Variants in SLC18A1 observed in about 807,000 individuals in gnomAD.
The protein encoded by SLC18A1 is chromaffin granule amine transporter.
Under a neutral mutation model 53.7 loss-of-function variants are expected in SLC18A1, and 69 were observed. That is an observed-to-expected ratio of 1.28 (90% CI 1.06 to 1.57). SLC18A1 has a LOEUF of 1.57. SLC18A1 is among the 40% of genes most tolerant of loss of function. The probability of loss-of-function intolerance (pLI) is 0.00; values close to 1 mark genes in which losing one functional copy is unlikely to be tolerated. For synonymous variants in SLC18A1, 320 were observed against 248.1 expected (o/e 1.29, Z -2.72); for missense variants, 932 against 668.1 (o/e 1.40, Z -4.35).
intron 1 of SLC18A1, among the ~76,000 whole-genome samples, chr8:20,181,288 A>G (rs981752318): frequency 1.4e-4 from 21 of 152,348 alleles, no homozygotes; most frequent in Admixed American, 9.8e-4. Flanking sequence ...TTTAATGGCT[A>G]GGTATAAATC....
At chr8:20,158,653 G>C (rs1162477259) in intron 10 of SLC18A1, among the ~76,000 whole-genome samples, 1 of 152,134 alleles carries the variant, frequency 6.6e-6, no homozygotes, top group Non-Finnish European at 1.5e-5. Flanking sequence ...AACAGCCCCT[G>C]CAGTACTCCA....
intron 10 of SLC18A1, among the ~76,000 whole-genome samples, chr8:20,158,937 G>A (rs1418064566): frequency 6.6e-6 from 1 of 152,036 alleles, no homozygotes; most frequent in Non-Finnish European, 1.5e-5. Context: ...CCCTCACTAG[G>A]CTCGATGGAA....
intron 8 of SLC18A1, among the ~76,000 whole-genome samples, chr8:20,166,475 G>T (rs1237031581): frequency 6.6e-6 from 1 of 150,966 alleles, no homozygotes; most frequent in Non-Finnish European, 1.5e-5. Context: ...GGAAAAATAA[G>T]AAAACACATA....
chr8:20,173,271 A>C (rs1307222394), intron 5 of SLC18A1, 143 bp from the exon 6 acceptor site: 1 of 645,002 alleles, frequency 1.6e-6, no homozygotes, highest in African/African-American at 1.8e-5. Context: ...CTTAACCCGT[A>C]GTATTTTTCA....
rs773861067 is a variant in SLC18A1, at chr8:20,145,868, C to T, written c.1473G>A (p.Leu491=). 4 of 1,598,400 alleles carry T rather than the reference C, an allele frequency of 2.5e-6. No individual in the cohort carries two copies. Among genetic ancestry groups the T allele is most frequent in the South Asian group, 1.1e-5 (1 of 88,674 alleles). The change falls in exon 16 of 16, where the codon CTG becomes CTA. Residue 491 remains leucine, a synonymous_variant. Coordinates refer to ENST00000276373, the MANE Select transcript of SLC18A1 (RefSeq NM_003053.4). ...GGGTCTCCATGGGGCAGTCCTGACTCAGAATAGCCTGCAGAGAGAGGCAAG... is the reference window on the plus strand; with the variant it reads ...GGGTCTCCATGGGGCAGTCCTGACTTAGAATAGCCTGCAGAGAGAGGCAAG... ...PPAKEEKLAI[L]SQDCPMETRM... is the part of the protein sequence containing the mutation.
rs117590384 is a variant in SLC18A1 at position 20,153,056 on chromosome 8, G to A, written c.1016-2312C>T. On this transcript the variant is annotated intron_variant, in intron 10 of 15. Coordinates refer to ENST00000276373, the MANE Select transcript of SLC18A1 (RefSeq NM_003053.4). ...CTGAGAATGATGATGGTGAAGGGAC[G>A]GGAGTGCATATGGGGCTAAAATGAA... is the stretch of plus-strand genomic sequence containing the variant. Among the ~76,000 whole-genome samples the A allele has an allele frequency of 3.2e-4, 49 of 152,260 alleles. No individual in the cohort carries two copies. The East Asian group carries it at 9.1e-3, about 28-fold the overall frequency.
At chr8:20,172,441 C>T (rs1414137828) in intron 6 of SLC18A1, among the ~76,000 whole-genome samples, 3 of 152,176 alleles carry the variant, frequency 2.0e-5, no homozygotes, top group South Asian at 2.1e-4. Flanking sequence ...GCTTCCCACC[C>T]TACAGTACTG....
chr8:20,161,826 G>A (rs2128873090), intron 10 of SLC18A1, among the ~76,000 whole-genome samples: 1 of 152,294 alleles, frequency 6.6e-6, no homozygotes, highest in South Asian at 2.1e-4. Flanking sequence ...AAGGCATCAG[G>A]CAGCCCCATG....
chr8:20,157,128 G>A lies in SLC18A1; in HGVS notation c.1016-6384C>T, dbSNP rs542355920. Among the ~76,000 whole-genome samples the A allele has an allele frequency of 1.7e-3, 256 of 152,304 alleles. 1 individual carries two copies. Among genetic ancestry groups the A allele is most frequent in the African/African-American group, 6.0e-3 (249 of 41,568 alleles). On this transcript the variant is annotated intron_variant, in intron 10 of 15. Coordinates refer to ENST00000276373, the MANE Select transcript of SLC18A1 (RefSeq NM_003053.4). ...GAAAGGAATAAGCATTAGGACCATAGAGGACACTCTAGGACTAATGCTCAT... is the reference window on the plus strand; with the variant it reads ...GAAAGGAATAAGCATTAGGACCATAAAGGACACTCTAGGACTAATGCTCAT...
intron 5 of SLC18A1, 55 bp downstream of exon 5, chr8:20,174,306 A>ATG: frequency 1.8e-4 from 204 of 1,165,222 alleles, no homozygotes; most frequent in Non-Finnish European, 2.3e-4. Flanking sequence ...GTAGTAAGAG[A>ATG]TGTGTGTGTG....
At chr8:20,168,422 G>A (rs905912515) in intron 8 of SLC18A1, among the ~76,000 whole-genome samples, 1 of 151,902 alleles carries the variant, frequency 6.6e-6, no homozygotes, top group Non-Finnish European at 1.5e-5. Flanking sequence ...AGGACTCCAT[G>A]ATTCTACACT....
chr8:20,145,514 A>G lies in SLC18A1; in HGVS notation c.*249T>C, dbSNP rs548295869. ...GCTCAAGTTTAATCAACCTCACAGC[A>G]GCGGGAAGGTGCATCACTCTGTCTT... On this transcript the variant is annotated 3_prime_UTR_variant, in exon 16 of 16. Transcript: ENST00000276373. 4.0e-5 allele frequency: 13 copies of G among 327,416 alleles called. No individual in the cohort carries two copies. The Admixed American group carries it at 5.4e-4, about 14-fold the overall frequency. The allele number at this position is 327,416 out of a possible 1,614,324, so 20.3% of individuals were successfully genotyped here.
intron 8 of SLC18A1, among the ~76,000 whole-genome samples, chr8:20,167,963 C>T (rs2072011528): frequency 6.6e-6 from 1 of 151,964 alleles, no homozygotes; most frequent in African/African-American, 2.4e-5. Context: ...TAACAAGAAC[C>T]TGGGCTCCTT....
chr8:20,171,589 C>T (rs1221597370), intron 6 of SLC18A1, 95 bp from the exon 7 acceptor site: 1 of 958,840 alleles, frequency 1.0e-6, no homozygotes, highest in Non-Finnish European at 1.7e-6. Context: ...TTGCAGAAGG[C>T]CTGCTAGGGG....
At chr8:20,180,208 C>A (rs1254266357) in intron 2 of SLC18A1, among the ~76,000 whole-genome samples, 1 of 150,784 alleles carries the variant, frequency 6.6e-6, no homozygotes, top group Non-Finnish European at 1.5e-5. Flanking sequence ...TAGAGCATAA[C>A]TATAACTACA....
At chr8:20,155,896 T>A (rs546939739) in intron 10 of SLC18A1, among the ~76,000 whole-genome samples, 3 of 152,308 alleles carry the variant, frequency 2.0e-5, no homozygotes, top group Non-Finnish European at 4.4e-5. Context: ...GTGGGACCCG[T>A]TCCCCACCAC....
Position 20,157,484 on chromosome 8 carries a change from G to T in SLC18A1, c.1016-6740C>A, listed in dbSNP as rs374935572. 3.9e-5 allele frequency among the ~76,000 whole-genome samples: 6 copies of T among 152,258 alleles called. 1 individual carries two copies. The East Asian group carries it at 9.7e-4, about 25-fold the overall frequency. On this transcript the variant is annotated intron_variant, in intron 10 of 15. Coordinates refer to ENST00000276373, the MANE Select transcript of SLC18A1 (RefSeq NM_003053.4). Reference sequence around the variant, plus strand: ...GCCGCAGACATTTGCTAACTTGCGTGCTAGAAGGACTAAGGAAAACTAGGA... The same window carrying T: ...GCCGCAGACATTTGCTAACTTGCGTTCTAGAAGGACTAAGGAAAACTAGGA...
intron 8 of SLC18A1, 106 bp downstream of exon 8, chr8:20,170,997 C>A: frequency 9.1e-7 from 1 of 1,104,324 alleles, no homozygotes; most frequent in Non-Finnish European, 1.4e-6. Context: ...CTTTCGCTGA[C>A]CCTATTCCTC....
intron 10 of SLC18A1, among the ~76,000 whole-genome samples, chr8:20,159,649 AAAAAAAAAAAAAAAG>A (rs1181367173): frequency 3.0e-5 from 2 of 67,258 alleles, no homozygotes; most frequent in Non-Finnish European, 5.5e-5. Context: ...AAAAAAAAAA[AAAAAAAAAAAAAAAG>A]AAAGAAAAAG....
Sources: gnomAD v4.1 joint callset for allele counts (sites outside exome capture counted in the v4.1 genomes callset) on GRCh38, gnomAD v4.1.1 for gene constraint, MANE v1.5 for transcripts, NCBI Gene and HGNC (gene_info 2026-07-23, HGNC 2026-07-21) for gene names.